CACNA1I: variants seen among roughly 807,000 people sequenced by gnomAD.
The protein encoded by CACNA1I is calcium voltage-gated channel subunit alpha1 I.
Under a neutral mutation model 201.6 loss-of-function variants are expected in CACNA1I, and 74 were observed. That is an observed-to-expected ratio of 0.37 (90% CI 0.30 to 0.45). The LOEUF is 0.45. Among genes scored for constraint, CACNA1I ranks in the 20% least tolerant of loss-of-function variants. The pLI is 1.00. For synonymous variants in CACNA1I, 1,431 were observed against 1,345.2 expected (o/e 1.06, Z -1.40); for missense variants, 2,346 against 3,138.1 (o/e 0.75, Z 6.03).
chr22:39,619,364 C>T lies in CACNA1I; in HGVS notation c.537C>T (p.Thr179=), dbSNP rs375964922. ...LQNINLSAIR[T]VRVLRPLKAI... Reference sequence around the variant, plus strand: ...ACATCAACCTGTCAGCCATCCGCACCGTGCGCGTCCTGAGGCCCCTCAAAG... The same window carrying T: ...ACATCAACCTGTCAGCCATCCGCACTGTGCGCGTCCTGAGGCCCCTCAAAG... Residue 179 remains threonine, a synonymous_variant, in exon 4 of 37, where the codon ACC becomes ACT. Transcript: ENST00000402142. 1.2e-5 allele frequency: 20 copies of T among 1,609,840 alleles called. No homozygotes were observed. The highest frequency in any genetic ancestry group is 8.3e-5 in the Admixed American group (5 of 60,012).
intron 1 of CACNA1I, among the ~76,000 whole-genome samples, chr22:39,577,967 A>G (rs570021072): frequency 4.6e-5 from 7 of 152,352 alleles, no homozygotes; most frequent in African/African-American, 1.7e-4. Context: ...GGGGGATCCA[A>G]TGAGAATTCT....
intron 3 of CACNA1I, among the ~76,000 whole-genome samples, chr22:39,618,206 T>A (rs948945494): frequency 2.6e-5 from 4 of 150,970 alleles, no homozygotes; most frequent in African/African-American, 9.8e-5. Context: ...TACGTGTGTG[T>A]GACTGTGATG....
At chr22:39,663,619 G>A (rs1048659269) in intron 18 of CACNA1I, 99 bp from the exon 19 acceptor site, 1 of 1,443,614 alleles carries the variant, frequency 6.9e-7, no homozygotes, top group Non-Finnish European at 9.4e-7. Flanking sequence ...GCTTCCTCGA[G>A]GCCAGCGTGG....
rs117420070 is a variant in CACNA1I at position 39,626,862 on chromosome 22, C to G, written c.580+7455C>G. On this transcript the variant is annotated intron_variant, in intron 4 of 36. Transcript: ENST00000402142. ...CGCCTGATAAGTGGCTAAAGTTTAT[C>G]AAGTGCTTGTGACAAGCTCATCACA... 4.3e-4 allele frequency among the ~76,000 whole-genome samples: 65 copies of G among 152,318 alleles called. 4 individuals are homozygous for G. The East Asian group carries it at 0.012, about 29-fold the overall frequency.
chr22:39,600,008 CT>C (rs991474365), intron 2 of CACNA1I, among the ~76,000 whole-genome samples: 1 of 152,218 alleles, frequency 6.6e-6, no homozygotes, highest in African/African-American at 2.4e-5. Flanking sequence ...TCCATGGGGG[CT>C]TTGGGGTGAG....
At chr22:39,652,526 A>G (rs1026199515) in intron 10 of CACNA1I, among the ~76,000 whole-genome samples, 3 of 152,238 alleles carry the variant, frequency 2.0e-5, no homozygotes, top group Non-Finnish European at 1.5e-5. Flanking sequence ...GCCACCCTCA[A>G]GGCAGGTATT....
Position 39,665,729 on chromosome 22 carries a change from C to T in CACNA1I, c.3978+105C>T. Reference sequence around the variant, plus strand: ...CCACATTCCAACCTCATGCGCCTTGCCAGCTGTGGGCTTCTCCTCCAGGGA... The same window carrying T: ...CCACATTCCAACCTCATGCGCCTTGTCAGCTGTGGGCTTCTCCTCCAGGGA... On this transcript the variant is annotated intron_variant, in intron 22 of 36. Coordinates refer to ENST00000402142, the MANE Select transcript of CACNA1I (RefSeq NM_021096.4). The surrounding 1 kb of genome is among the most constrained non-coding windows in gnomAD (Gnocchi z 5.5). 2 of 1,542,758 alleles carry T rather than the reference C, an allele frequency of 1.3e-6. No individual in the cohort carries two copies. Among genetic ancestry groups the T allele is most frequent in the Non-Finnish European group, 1.8e-6 (2 of 1,129,778 alleles).
intron 1 of CACNA1I, among the ~76,000 whole-genome samples, chr22:39,580,358 G>A (rs890854333): frequency 3.3e-5 from 5 of 152,198 alleles, no homozygotes; most frequent in South Asian, 2.1e-4. Context: ...GGGCCAGAGC[G>A]GAGGCTGCAC....
rs1277984291 is a variant in CACNA1I at position 39,663,833 on chromosome 22, G to A, written c.3589G>A (p.Gly1197Ser). 6 of 1,613,434 alleles carry A rather than the reference G, an allele frequency of 3.7e-6. No homozygotes were observed. Among genetic ancestry groups the A allele is most frequent in the African/African-American group, 1.3e-5 (1 of 74,938 alleles). ...CCTGGAGCGGCCTCAGATCGAGGCC[G>A]GCAGCACCGTGAGTGGCTGTAGCCT... ...IALERPQIEAGSTERIFLTVS... is the reference protein window; with the variant it reads ...IALERPQIEASSTERIFLTVS... The change falls in exon 19 of 37, where the codon GGC becomes AGC. Residue 1197 changes from glycine (G) to serine (S), a missense_variant. Physicochemically the swap from Gly to Ser is moderately conservative, Grantham distance 56 (BLOSUM62 0). Around this residue, in one of 13 missense-constraint regions of CACNA1I, gnomAD observed 158 missense variants for 231.6 expected, o/e 0.68. Coordinates refer to ENST00000402142, the MANE Select transcript of CACNA1I (RefSeq NM_021096.4).
At chr22:39,674,975 T>C (rs1168450073) in intron 29 of CACNA1I, among the ~76,000 whole-genome samples, 1 of 152,206 alleles carries the variant, frequency 6.6e-6, no homozygotes, top group Non-Finnish European at 1.5e-5. Context: ...ATGGTCTGGA[T>C]GGAAAGCAAG....
At chr22:39,600,493 C>T (rs768509869) in intron 2 of CACNA1I, 27 bp from the exon 3 acceptor site, 1 of 1,605,986 alleles carries the variant, frequency 6.2e-7, no homozygotes, top group East Asian at 2.2e-5. Flanking sequence ...CACCCTGTCC[C>T]TTGCTTCCCT....
intron 21 of CACNA1I, 36 bp downstream of exon 21, chr22:39,664,959 C>T (rs372287310): frequency 4.4e-5 from 70 of 1,596,728 alleles, no homozygotes; most frequent in Non-Finnish European, 5.5e-5. Flanking sequence ...GGGAAAGTGT[C>T]ATGCACTGTA....
rs1323995103 is a variant in CACNA1I at position 39,686,220 on chromosome 22, G to C, written c.6487G>C (p.Gly2163Arg). The stretch of plus-strand genomic sequence containing the variant: ...CAGCACCAGCAGCCTGGCCGCCCCC[G>C]GCCGCCCCCACGCCGCCGCCCTGGC... ...FSSTSSLAAP[G>R]RPHAAALAHG... The change falls in exon 37 of 37, where the codon GGC becomes CGC. Residue 2163 changes from glycine (G) to arginine (R), a missense_variant. By Grantham distance (125) the Gly-to-Arg change is moderately radical. Around this residue, in one of 13 missense-constraint regions of CACNA1I, gnomAD observed 187 missense variants for 151.0 expected, o/e 1.24. Coordinates refer to ENST00000402142, the MANE Select transcript of CACNA1I (RefSeq NM_021096.4). 4.8e-6 allele frequency: 6 copies of C among 1,240,200 alleles called. No individual in the cohort carries two copies. Among genetic ancestry groups the C allele is most frequent in the African/African-American group, 3.2e-5 (2 of 62,432 alleles). 76.8% of individuals were successfully genotyped at this position (1,240,200 alleles called of 1,614,324 possible). A position where few individuals can be genotyped will look rare whatever the true frequency, so the allele number is the denominator to read the frequency against.
chr22:39,685,007 A>G lies in CACNA1I; in HGVS notation c.6027+509A>G, dbSNP rs1935815663. 1 of 197,776 alleles carries G rather than the reference A, an allele frequency of 5.1e-6. No homozygotes were observed. Among genetic ancestry groups the G allele is most frequent in the Admixed American group, 5.3e-5 (1 of 18,862 alleles). The allele number at this position is 197,776 out of a possible 1,614,324, so 12.3% of individuals were successfully genotyped here. ...CCACGGGCACACAGAGGTCTGAAGC[A>G]CTGAGGGCTCCGCTGTGGGGGTGGG... On this transcript the variant is annotated intron_variant, in intron 36 of 36. Transcript: ENST00000402142. The surrounding 1 kb of genome is among the most constrained non-coding windows in gnomAD (Gnocchi z 5.0).
intron 3 of CACNA1I, among the ~76,000 whole-genome samples, chr22:39,617,833 G>T (rs1195193757): frequency 2.4e-5 from 3 of 124,324 alleles, no homozygotes; most frequent in Non-Finnish European, 4.9e-5. Context: ...TCCTTCCCTT[G>T]GCCCCCTCCT....
intron 24 of CACNA1I, among the ~76,000 whole-genome samples, 195 bp downstream of exon 24, chr22:39,668,576 G>A (rs5757762): frequency 0.45 from 68,983 of 151,988 alleles, 16,861 homozygotes; most frequent in East Asian, 0.95. Flanking sequence ...AGCGTAAGTC[G>A]TCGTTCCATT....
rs140796406 is a variant in CACNA1I at position 39,612,578 on chromosome 22, G to A, written c.483-6732G>A. Among the ~76,000 whole-genome samples, 267 of 152,278 alleles carry A rather than the reference G, an allele frequency of 1.8e-3. 6 individuals carry two copies. The highest frequency in any genetic ancestry group is 0.016 in the East Asian group (82 of 5,174). On this transcript the variant is annotated intron_variant, in intron 3 of 36. Coordinates refer to ENST00000402142, the MANE Select transcript of CACNA1I (RefSeq NM_021096.4). ...GTCCTCACTTGAGTCCTCACGTGAA[G>A]GGGCAGATGAGTTTCCCTTTGCCTG...
intron 1 of CACNA1I, among the ~76,000 whole-genome samples, chr22:39,580,596 G>A (rs550766603): frequency 5.6e-4 from 85 of 152,214 alleles, no homozygotes; most frequent in Non-Finnish European, 4.9e-4. Flanking sequence ...TTTCCAGGCA[G>A]AGGGAACACG....
At chr22:39,573,377 C>T (rs993757086) in intron 1 of CACNA1I, among the ~76,000 whole-genome samples, 2 of 152,118 alleles carry the variant, frequency 1.3e-5, no homozygotes, top group African/African-American at 2.4e-5. Flanking sequence ...AGGACTTGGC[C>T]TGGGAGTCTG....
Sources: allele counts gnomAD v4.1 joint callset (sites outside exome capture counted in the v4.1 genomes callset), GRCh38; gene constraint gnomAD v4.1.1; regional missense constraint gnomAD v4.1.1; non-coding constraint Gnocchi (gnomAD v3.1); transcripts MANE v1.5; gene names NCBI Gene and HGNC (gene_info 2026-07-23, HGNC 2026-07-21).